The following BARX2 variants were observed in gnomAD, a reference collection of about 807,000 sequenced individuals.
BARX2 encodes the protein BARX homeobox 2.
In BARX2, 11 loss-of-function variants were observed where a neutral mutation model predicts 25.5. That is an observed-to-expected ratio of 0.43 (90% CI 0.27 to 0.71). BARX2 has a LOEUF of 0.71. BARX2 is among the 30% of genes least tolerant of loss of function. The pLI is 0.19. For missense variants in BARX2, 360 were observed against 359.9 expected, an observed-to-expected ratio of 1.00 and a Z score of 0.00; for synonymous variants, 137 against 149.5, an observed-to-expected ratio of 0.92 and a Z score of 0.61.
At chr11:129,417,360 A>G (rs57999430) in intron 1 of BARX2, among the ~76,000 whole-genome samples, 24,375 of 152,124 alleles carry the variant, frequency 0.16, 2,608 homozygotes, top group African/African-American at 0.31. Context: ...GCCACGTCCC[A>G]GGAATATTTC....
At chr11:129,421,781 A>G (rs1862006936) in intron 1 of BARX2, among the ~76,000 whole-genome samples, 1 of 152,172 alleles carries the variant, frequency 6.6e-6, no homozygotes, top group Non-Finnish European at 1.5e-5. Context: ...TTCCAACATC[A>G]GAAGTTGAAA....
At chr11:129,442,667 G>A (rs757201350) in intron 2 of BARX2, 168 bp from the exon 3 acceptor site, 2 of 687,598 alleles carry the variant, frequency 2.9e-6, no homozygotes, top group Non-Finnish European at 5.3e-6. Flanking sequence ...TTCCTCTGTT[G>A]GATTCTTGGA....
chr11:129,402,048 G>C (rs1486443845), intron 1 of BARX2, among the ~76,000 whole-genome samples: 1 of 146,846 alleles, frequency 6.8e-6, no homozygotes. Context: ...AAATAAATAT[G>C]CAAAAGACAT....
chr11:129,444,727 C>T (rs1438837107), intron 3 of BARX2, among the ~76,000 whole-genome samples: 1 of 152,134 alleles, frequency 6.6e-6, no homozygotes, highest in Non-Finnish European at 1.5e-5. Flanking sequence ...AGTGGCCCGG[C>T]ACGGTGGCTC....
chr11:129,376,392 G>A lies in BARX2; in HGVS notation c.187+170G>A, dbSNP rs73567385. Among the ~76,000 whole-genome samples the A allele has an allele frequency of 0.011, 1,667 of 152,362 alleles. 30 individuals are homozygous for A. The highest frequency in any genetic ancestry group is 0.037 in the African/African-American group (1,551 of 41,594). On this transcript the variant is annotated intron_variant, in intron 1 of 3. Coordinates refer to ENST00000281437, the MANE Select transcript of BARX2 (RefSeq NM_003658.5). This position sits in a 1 kb window ranked among gnomAD's most constrained non-coding sequence, Gnocchi z 4.2. ...AGGCATCTGCGACGTGGCCGGGAAGGACCACGCAAGGTGTGGATGGCACGA... is the reference window on the plus strand; with the variant it reads ...AGGCATCTGCGACGTGGCCGGGAAGAACCACGCAAGGTGTGGATGGCACGA...
At chr11:129,404,393 G>A (rs987862767) in intron 1 of BARX2, among the ~76,000 whole-genome samples, 2 of 152,208 alleles carry the variant, frequency 1.3e-5, no homozygotes, top group Admixed American at 1.3e-4. Context: ...TGGGTGATTA[G>A]AACCAATTAA....
At chr11:129,395,578 C>A (rs1419981147) in intron 1 of BARX2, among the ~76,000 whole-genome samples, 2 of 152,166 alleles carry the variant, frequency 1.3e-5, no homozygotes, top group East Asian at 3.8e-4. Context: ...CCCGGTCACA[C>A]CCCTCCAGTG....
intron 1 of BARX2, among the ~76,000 whole-genome samples, chr11:129,423,817 C>A (rs761149858): frequency 2.6e-5 from 4 of 151,950 alleles, no homozygotes; most frequent in African/African-American, 9.7e-5. Context: ...AAGATGTACT[C>A]CAAGGTCCAG....
chr11:129,441,634 A>G (rs1862261513), intron 2 of BARX2, among the ~76,000 whole-genome samples: 1 of 137,784 alleles, frequency 7.3e-6, no homozygotes, highest in African/African-American at 3.1e-5. Context: ...TTTTTAGTAG[A>G]GATGGGGGTC....
At chr11:129,387,693 G>A (rs557994033) in intron 1 of BARX2, among the ~76,000 whole-genome samples, 1 of 152,324 alleles carries the variant, frequency 6.6e-6, no homozygotes, top group South Asian at 2.1e-4. Context: ...AGCAAGGCAT[G>A]AAGGAACATC....
chr11:129,424,055 G>T (rs1862038144), intron 1 of BARX2, among the ~76,000 whole-genome samples: 1 of 152,206 alleles, frequency 6.6e-6, no homozygotes, highest in African/African-American at 2.4e-5. Context: ...TCACTATATT[G>T]GTGAGGCTGG....
At chr11:129,395,176 A>G (rs1240359900) in intron 1 of BARX2, among the ~76,000 whole-genome samples, 1 of 152,146 alleles carries the variant, frequency 6.6e-6, no homozygotes, top group Non-Finnish European at 1.5e-5. Flanking sequence ...CACTAATCAA[A>G]TCCATAATGA....
chr11:129,405,518 C>T (rs1264161810), intron 1 of BARX2, among the ~76,000 whole-genome samples: 1 of 152,076 alleles, frequency 6.6e-6, no homozygotes, highest in Non-Finnish European at 1.5e-5. Context: ...TTCATTGATA[C>T]TTTTAGTTCA....
At chr11:129,379,417 T>C (rs1276843135) in intron 1 of BARX2, among the ~76,000 whole-genome samples, 1 of 152,234 alleles carries the variant, frequency 6.6e-6, no homozygotes, top group Non-Finnish European at 1.5e-5. Flanking sequence ...AAATCAGCGA[T>C]GAGCTCTCCA....
intron 1 of BARX2, among the ~76,000 whole-genome samples, chr11:129,385,936 T>C (rs574348557): frequency 1.6e-4 from 24 of 152,362 alleles, no homozygotes; most frequent in African/African-American, 5.3e-4. Flanking sequence ...ATACAGAGCT[T>C]GTTGTACATA....
At chr11:129,398,079 G>A in intron 1 of BARX2, among the ~76,000 whole-genome samples, 1 of 152,210 alleles carries the variant, frequency 6.6e-6, no homozygotes, top group East Asian at 1.9e-4. Flanking sequence ...ATCTTTAGAA[G>A]TTGCATTTTT....
At chr11:129,378,261 G>T (rs1353218461) in intron 1 of BARX2, among the ~76,000 whole-genome samples, 2 of 152,120 alleles carry the variant, frequency 1.3e-5, no homozygotes, top group African/African-American at 4.8e-5. Flanking sequence ...GGGATTTGCT[G>T]GTGGAATTAA....
intron 1 of BARX2, among the ~76,000 whole-genome samples, chr11:129,430,723 A>C (rs1862119288): frequency 6.6e-6 from 1 of 151,806 alleles, no homozygotes; most frequent in South Asian, 2.1e-4. Context: ...CCGACCCTTA[A>C]CCTCTGGCAG....
At chr11:129,401,771 C>G (rs542024916) in intron 1 of BARX2, among the ~76,000 whole-genome samples, 1 of 152,236 alleles carries the variant, frequency 6.6e-6, no homozygotes, top group South Asian at 2.1e-4. Flanking sequence ...GCCTGGCCAA[C>G]ATGGTGAAAC....
Sources: gnomAD v4.1 joint callset for allele counts (sites outside exome capture counted in the v4.1 genomes callset) on GRCh38, gnomAD v4.1.1 for gene constraint, Gnocchi (gnomAD v3.1) non-coding constraint, MANE v1.5 for transcripts, NCBI Gene and HGNC (gene_info 2026-07-23, HGNC 2026-07-21) for gene names.